Variants in KSR2 observed in about 807,000 individuals in gnomAD.
KSR2 encodes kinase suppressor of ras 2.
A neutral mutation model predicts 107.8 loss-of-function variants in KSR2; 25 were observed. That is an observed-to-expected ratio of 0.23 (90% CI 0.17 to 0.32). The LOEUF (loss-of-function observed/expected upper bound fraction) is 0.32. Among genes scored for constraint, KSR2 ranks in the 10% least tolerant of loss-of-function variants. The probability of loss-of-function intolerance (pLI) is 1.00; values close to 1 mark genes in which losing one functional copy is unlikely to be tolerated. For synonymous variants in KSR2, 480 were observed against 507.0 expected, an observed-to-expected ratio of 0.95 and a Z score of 0.71; for missense variants, 887 against 1,268.9, an observed-to-expected ratio of 0.70 and a Z score of 4.57.
At chr12:117,758,660 A>G (rs763611016) in intron 4 of KSR2, among the ~76,000 whole-genome samples, 7 of 152,336 alleles carry the variant, frequency 4.6e-5, no homozygotes, top group Admixed American at 2.0e-4. Context: ...GAAGGCCTTG[A>G]AGAAGTGGGC....
At chr12:117,876,957 C>T (rs1352783635) in intron 1 of KSR2, among the ~76,000 whole-genome samples, 2 of 152,062 alleles carry the variant, frequency 1.3e-5, no homozygotes, top group African/African-American at 4.8e-5. Flanking sequence ...GTTTCATATA[C>T]ACCTTATACA....
intron 4 of KSR2, among the ~76,000 whole-genome samples, chr12:117,724,392 T>C (rs186322743): frequency 6.8e-4 from 103 of 151,964 alleles, no homozygotes; most frequent in Middle Eastern, 3.4e-3. Flanking sequence ...CCTCAGATAC[T>C]GAGGTGTTAG....
chr12:117,806,450 C>CCATTTCCCTCTCTCTAAGTCGG (rs1891009036), intron 3 of KSR2, among the ~76,000 whole-genome samples: 1 of 152,174 alleles, frequency 6.6e-6, no homozygotes, highest in Non-Finnish European at 1.5e-5. Context: ...GTCTAGGGCT[C>CCATTTCCCTCTCTCTAAGTCGG]CATTTCCCTC....
intron 14 of KSR2, among the ~76,000 whole-genome samples, chr12:117,505,921 C>T (rs1592936515): frequency 6.6e-6 from 1 of 152,180 alleles, no homozygotes; most frequent in African/African-American, 2.4e-5. Flanking sequence ...TCTCTTCATG[C>T]CCTTTGCACA....
At chr12:117,657,769 C>T (rs1209851161) in intron 5 of KSR2, among the ~76,000 whole-genome samples, 1 of 152,190 alleles carries the variant, frequency 6.6e-6, no homozygotes, top group Non-Finnish European at 1.5e-5. Context: ...AAAGTGAATG[C>T]TCAAAAATGT....
chr12:117,635,461 T>C (rs188523476), intron 5 of KSR2, among the ~76,000 whole-genome samples: 3 of 152,154 alleles, frequency 2.0e-5, no homozygotes, highest in East Asian at 1.9e-4. Context: ...ATAACAAAGA[T>C]TGCCAGTCAA....
chr12:117,869,205 C>G (rs2137277658), intron 1 of KSR2, among the ~76,000 whole-genome samples: 2 of 152,186 alleles, frequency 1.3e-5, no homozygotes, highest in East Asian at 3.9e-4. Flanking sequence ...AATCCCAACT[C>G]TACTAAAAGT....
rs141475291 is a variant in KSR2, at chr12:117,785,994, C to G, written c.473-24470G>C. On this transcript the variant is annotated intron_variant, in intron 3 of 19. Coordinates refer to ENST00000339824, the MANE Select transcript of KSR2 (RefSeq NM_173598.6). The stretch of plus-strand genomic sequence containing the variant: ...CTCAGCAAACCCCACATAGGATAAA[C>G]TCAAAGAAAACCACGCCTAGGCACA... Among the ~76,000 whole-genome samples the G allele has an allele frequency of 3.8e-3, 581 of 152,138 alleles. 2 individuals carry two copies. The highest frequency in any genetic ancestry group is 6.5e-3 in the Non-Finnish European group (441 of 68,000).
In KSR2 at chr12:117,469,729, T is replaced by C. The variant is rs1871326716; in HGVS notation, c.2779A>G (p.Met927Val). Residue 927 changes from methionine to valine, a missense_variant, in exon 19 of 20, where the codon ATG (methionine) becomes GTG (valine). Coordinates refer to ENST00000339824, the MANE Select transcript of KSR2 (RefSeq NM_173598.6). ...ERPTFTKLMD[M>V]LEKLPKRNRR... Reference sequence around the variant, plus strand: ...TTTCGCTTTGGCAGTTTCTCCAGCATGTCCATGAGCTTGGTGAAGGTAGGT... The same window carrying C: ...TTTCGCTTTGGCAGTTTCTCCAGCACGTCCATGAGCTTGGTGAAGGTAGGT... 6.2e-7 allele frequency: 1 copy of C among 1,613,890 alleles called. No homozygotes were observed.
chr12:117,644,088 C>T (rs16947834), intron 5 of KSR2, among the ~76,000 whole-genome samples: 5,313 of 152,262 alleles, frequency 0.035, 305 homozygotes, highest in African/African-American at 0.12. Context: ...TGCCTGGCCA[C>T]TCACTGTCTC....
At chr12:117,716,401 T>C (rs908540691) in intron 4 of KSR2, among the ~76,000 whole-genome samples, 1 of 152,150 alleles carries the variant, frequency 6.6e-6, no homozygotes, top group Non-Finnish European at 1.5e-5. Context: ...ACCTAAAACA[T>C]GGCTAGTCTG....
intron 4 of KSR2, among the ~76,000 whole-genome samples, chr12:117,679,405 A>C (rs995496730): frequency 3.9e-5 from 6 of 152,194 alleles, no homozygotes; most frequent in Admixed American, 6.5e-5. Flanking sequence ...TTGGTTAAAA[A>C]TTCAGCACAC....
At chr12:117,555,089 G>T in intron 9 of KSR2, 80 bp downstream of exon 9, 1 of 1,579,374 alleles carries the variant, frequency 6.3e-7, no homozygotes, top group Non-Finnish European at 8.7e-7. Context: ...CATACTCCCA[G>T]ATCAACCCTT....
Position 117,656,006 on chromosome 12 carries a change from C to T in KSR2, c.1171+11468G>A, listed in dbSNP as rs181409176. On this transcript the variant is annotated intron_variant, in intron 5 of 19. Coordinates refer to ENST00000339824, the MANE Select transcript of KSR2 (RefSeq NM_173598.6). ...TGTCACTCCAGCAGGAAAAAAACCA[C>T]GACTTGCTGAGGTGCCTGCTGAAGG... Among the ~76,000 whole-genome samples, 396 of 152,296 alleles carry T rather than the reference C, an allele frequency of 2.6e-3. 1 individual carries two copies. The highest frequency in any genetic ancestry group is 8.7e-3 in the African/African-American group (361 of 41,556).
intron 14 of KSR2, among the ~76,000 whole-genome samples, chr12:117,486,695 G>A (rs1420077581): frequency 2.0e-5 from 3 of 152,198 alleles, no homozygotes; most frequent in Non-Finnish European, 4.4e-5. Context: ...ATTTCCTGTG[G>A]TTGAAGCAAG....
At chr12:117,737,782 CAAAAAAAAAA>C (rs10587288) in intron 4 of KSR2, among the ~76,000 whole-genome samples, 4 of 84,046 alleles carry the variant, frequency 4.8e-5, no homozygotes, top group South Asian at 4.2e-4. Context: ...AATCCTGTCT[CAAAAAAAAAA>C]AAAAAAAAAA....
At chr12:117,785,075 T>C (rs907509540) in intron 3 of KSR2, among the ~76,000 whole-genome samples, 2 of 152,174 alleles carry the variant, frequency 1.3e-5, no homozygotes, top group African/African-American at 4.8e-5. Flanking sequence ...CAAAATTGCG[T>C]GATATGCCAA....
chr12:117,926,193 G>A (rs889154004), intron 1 of KSR2, among the ~76,000 whole-genome samples: 2 of 152,130 alleles, frequency 1.3e-5, no homozygotes, highest in African/African-American at 2.4e-5. Flanking sequence ...GTGAGACTCC[G>A]TCTCAGAGAA....
At position 117,731,600 on chromosome 12, in the gene KSR2, G is replaced by A. The variant is rs542229194; in HGVS notation, c.986+29411C>T. ...GCGGTTTTGTCGAATAGAAAAGGGGGAAATGTGGGGAAAAGAAAGAGAGAT... is the reference window on the plus strand; with the variant it reads ...GCGGTTTTGTCGAATAGAAAAGGGGAAAATGTGGGGAAAAGAAAGAGAGAT... On this transcript the variant is annotated intron_variant, in intron 4 of 19. Transcript: ENST00000339824. Among the ~76,000 whole-genome samples the A allele has an allele frequency of 3.3e-5, 5 of 152,326 alleles. No individual in the cohort carries two copies. In the South Asian group the frequency reaches 6.2e-4, roughly 19 times the overall value.
Sources: gnomAD v4.1 joint callset for allele counts (sites outside exome capture counted in the v4.1 genomes callset) on GRCh38, gnomAD v4.1.1 for gene constraint, MANE v1.5 for transcripts, NCBI Gene and HGNC (gene_info 2026-07-23, HGNC 2026-07-21) for gene names.